Variants in KIAA1217 observed in about 807,000 individuals in gnomAD.
KIAA1217 encodes KIAA1217.
KIAA1217 carries 88 observed loss-of-function variants against 163.9 expected under a neutral mutation model. The ratio of observed to expected loss-of-function variants is 0.54; its 90% confidence interval spans 0.45 to 0.64. The LOEUF (loss-of-function observed/expected upper bound fraction) is 0.64. Ranked by LOEUF, KIAA1217 falls within the 30% of genes least tolerant of loss-of-function variation. The pLI, the probability that KIAA1217 is intolerant of heterozygous loss-of-function variation, is 0.00. For missense variants in KIAA1217, 2,372 were observed against 2,475.0 expected, an observed-to-expected ratio of 0.96 and a Z score of 0.88; for synonymous variants, 903 against 923.1, an observed-to-expected ratio of 0.98 and a Z score of 0.39.
intron 1 of KIAA1217, among the ~76,000 whole-genome samples, chr10:23,747,067 C>T (rs1178148724): frequency 1.8e-4 from 27 of 152,148 alleles, no homozygotes; most frequent in Admixed American, 6.5e-5. Context: ...AGGAAGGAAG[C>T]GAAGACTACG....
intron 2 of KIAA1217, among the ~76,000 whole-genome samples, chr10:24,274,928 C>G (rs2077117764): frequency 6.6e-6 from 1 of 151,996 alleles, no homozygotes; most frequent in African/African-American, 2.4e-5. Context: ...AATTTATTCT[C>G]TTTTCTTATT....
At chr10:24,337,643 TTCTTTTC>T (rs1249327123) in intron 2 of KIAA1217, among the ~76,000 whole-genome samples, 15 of 53,760 alleles carry the variant, frequency 2.8e-4, no homozygotes, top group Admixed American at 1.6e-3. Flanking sequence ...TTCTTTTCTT[TTCTTTTC>T]TTTTTTTTTT....
At chr10:23,714,598 C>T (rs1166920370) in intron 1 of KIAA1217, among the ~76,000 whole-genome samples, 1 of 152,124 alleles carries the variant, frequency 6.6e-6, no homozygotes, top group Non-Finnish European at 1.5e-5. Context: ...TTCTTTGGTT[C>T]CCTCCTCACT....
At chr10:23,767,675 C>T (rs187203700) in intron 1 of KIAA1217, among the ~76,000 whole-genome samples, 1 of 152,232 alleles carries the variant, frequency 6.6e-6, no homozygotes, top group Non-Finnish European at 1.5e-5. Context: ...GCCGTGAACC[C>T]TCAGGTTGGG....
intron 3 of KIAA1217, among the ~76,000 whole-genome samples, chr10:24,426,387 C>G (rs1053783772): frequency 6.6e-6 from 1 of 152,094 alleles, no homozygotes; most frequent in Admixed American, 6.5e-5. Flanking sequence ...TGTGGGAGGT[C>G]AAGGTGGGTG....
chr10:23,775,312 G>A (rs960279162), intron 1 of KIAA1217, among the ~76,000 whole-genome samples: 7 of 152,200 alleles, frequency 4.6e-5, no homozygotes, highest in African/African-American at 1.2e-4. Flanking sequence ...AATGAGAAAT[G>A]GGAAGTCAGA....
intron 1 of KIAA1217, among the ~76,000 whole-genome samples, chr10:23,979,443 C>T (rs1255937392): frequency 6.6e-6 from 1 of 152,156 alleles, no homozygotes; most frequent in African/African-American, 2.4e-5. Flanking sequence ...TTTCGTGTCT[C>T]CTTAATTTCT....
At chr10:23,941,976 A>G (rs1394350434) in intron 1 of KIAA1217, among the ~76,000 whole-genome samples, 3 of 120,132 alleles carry the variant, frequency 2.5e-5, no homozygotes, top group Admixed American at 8.4e-5. Context: ...CAATAATTCA[A>G]CTGCCTGCTA....
chr10:23,848,065 C>T (rs1839128340), intron 1 of KIAA1217, among the ~76,000 whole-genome samples: 1 of 152,210 alleles, frequency 6.6e-6, no homozygotes, highest in African/African-American at 2.4e-5. Context: ...AATTTGATTG[C>T]ACTTGATCTG....
intron 2 of KIAA1217, among the ~76,000 whole-genome samples, chr10:24,307,566 A>G (rs2042139548): frequency 6.6e-6 from 1 of 151,472 alleles, no homozygotes; most frequent in South Asian, 2.1e-4. Context: ...ACTTGAATCC[A>G]GGAGTTTGAG....
chr10:23,932,395 A>C (rs1843292240), intron 1 of KIAA1217, among the ~76,000 whole-genome samples: 1 of 151,208 alleles, frequency 6.6e-6, no homozygotes, highest in Non-Finnish European at 1.5e-5. Context: ...GTACAAATTG[A>C]ACCAGAATCT....
intron 1 of KIAA1217, among the ~76,000 whole-genome samples, chr10:23,803,496 G>A (rs56275015): frequency 5.6e-4 from 86 of 152,282 alleles, no homozygotes; most frequent in African/African-American, 1.9e-3. Context: ...TTATGAGATC[G>A]GCTGAGGTTT....
Position 23,924,673 on chromosome 10 carries a change from C to T in KIAA1217, c.-320-82552C>T, listed in dbSNP as rs558748060. 1.5e-3 allele frequency among the ~76,000 whole-genome samples: 221 copies of T among 152,226 alleles called. 3 individuals carry two copies. The highest frequency in any genetic ancestry group is 4.9e-3 in the African/African-American group (203 of 41,552). ...CTGCCTCCAAATTTCATGCCTCCAG[C>T]GCTTTTTCTCCTACTCCAGGATTAA... On this transcript the variant is annotated intron_variant, in intron 1 of 18. Coordinates refer to the KIAA1217 transcript ENST00000376462.
chr10:24,092,925 GTGT>G (rs1223023095), intron 2 of KIAA1217, among the ~76,000 whole-genome samples: 1 of 141,030 alleles, frequency 7.1e-6, no homozygotes, highest in Non-Finnish European at 1.5e-5. Context: ...GTGTGTGTGT[GTGT>G]TGTGTGTGTG....
At chr10:24,025,643 C>A (rs774174803) in intron 2 of KIAA1217, among the ~76,000 whole-genome samples, 24 of 151,660 alleles carry the variant, frequency 1.6e-4, no homozygotes, top group Non-Finnish European at 1.0e-4. Flanking sequence ...AATTCATGAA[C>A]ATGGTATGTC....
chr10:23,905,320 C>G (rs1371762785), intron 1 of KIAA1217, among the ~76,000 whole-genome samples: 1 of 151,958 alleles, frequency 6.6e-6, no homozygotes, highest in East Asian at 1.9e-4. Context: ...CAAGTCTCCC[C>G]ACTCACAAAT....
chr10:24,067,041 G>C (rs552351243), intron 2 of KIAA1217, among the ~76,000 whole-genome samples: 3 of 152,158 alleles, frequency 2.0e-5, no homozygotes, highest in South Asian at 4.1e-4. Context: ...GTTATCCATT[G>C]ATCTAATTTT....
chr10:23,772,034 T>C (rs190432278), intron 1 of KIAA1217, among the ~76,000 whole-genome samples: 226 of 152,350 alleles, frequency 1.5e-3, no homozygotes, highest in African/African-American at 5.2e-3. Flanking sequence ...GCATTTTAAA[T>C]TATGTGAATT....
At chr10:24,483,536 C>A (rs2064972808) in intron 6 of KIAA1217, among the ~76,000 whole-genome samples, 1 of 152,162 alleles carries the variant, frequency 6.6e-6, no homozygotes, top group East Asian at 1.9e-4. Flanking sequence ...CCAAATATAG[C>A]AAATGTTTTT....
Sources: gnomAD v4.1 joint callset for allele counts (sites outside exome capture counted in the v4.1 genomes callset) on GRCh38, gnomAD v4.1.1 for gene constraint, MANE v1.5 for transcripts, NCBI Gene and HGNC (gene_info 2026-07-23, HGNC 2026-07-21) for gene names.